Variants in CCDC169 observed in about 807,000 individuals in gnomAD.
The protein encoded by CCDC169 is coiled-coil domain containing 169.
A neutral mutation model predicts 36.0 loss-of-function variants in CCDC169; 30 were observed. The observed-to-expected ratio is 0.83, with a 90% confidence interval of 0.62 to 1.13. The LOEUF is 1.13. Among genes scored for constraint, CCDC169 ranks in the 50% most tolerant of loss-of-function variants. CCDC169 has a pLI of 0.00. For synonymous variants in CCDC169, 85 were observed against 81.5 expected (o/e 1.04, Z -0.23); for missense variants, 245 against 245.9 (o/e 1.00, Z 0.03).
intron 4 of CCDC169, chr13:36,282,774 C>A (rs934587677): frequency 6.4e-5 from 10 of 155,114 alleles, no homozygotes; most frequent in African/African-American, 1.9e-4. Context: ...GTTCCAGAGT[C>A]TCAGGTAGTA....
At chr13:36,296,192 AG>A (rs1182112785) in intron 1 of CCDC169, among the ~76,000 whole-genome samples, 1 of 152,192 alleles carries the variant, frequency 6.6e-6, no homozygotes, top group Non-Finnish European at 1.5e-5. Context: ...CCCGGGTTCA[AG>A]CAATTCTCCT....
At chr13:36,279,913 TATAAAG>T (rs747088720) in intron 4 of CCDC169, 6 of 152,136 alleles carry the variant, frequency 3.9e-5, no homozygotes, top group African/African-American at 9.7e-5. Flanking sequence ...GAAAGACACA[TATAAAG>T]ATATTCACTG....
At chr13:36,288,110 G>A (rs750046830) in intron 2 of CCDC169, among the ~76,000 whole-genome samples, 10 of 151,824 alleles carry the variant, frequency 6.6e-5, no homozygotes, top group Admixed American at 1.3e-4. Flanking sequence ...CCTGATTCAC[G>A]CCATTCTTCT....
At chr13:36,285,699 G>A (rs1028250000) in intron 2 of CCDC169, among the ~76,000 whole-genome samples, 8 of 152,042 alleles carry the variant, frequency 5.3e-5, no homozygotes, top group Admixed American at 3.9e-4. Context: ...ATGGAATCCG[G>A]CTGCTTGCCA....
chr13:36,240,442 C>A (rs1469230797), intron 7 of CCDC169: 1 of 263,206 alleles, frequency 3.8e-6, no homozygotes, highest in Non-Finnish European at 7.1e-6. Context: ...TTTGCAACTT[C>A]CTAATATCAA....
chr13:36,233,557 G>A (rs1414488391), intron 7 of CCDC169, among the ~76,000 whole-genome samples: 1 of 151,982 alleles, frequency 6.6e-6, no homozygotes, highest in African/African-American at 2.4e-5. Flanking sequence ...ATCTATAGAG[G>A]AAATTATGAG....
downstream of CCDC169, among the ~76,000 whole-genome samples, chr13:36,228,602 C>A (rs926783207): frequency 6.6e-6 from 1 of 152,024 alleles, no homozygotes; most frequent in African/African-American, 2.4e-5. Flanking sequence ...CTCTGTTGCC[C>A]ACGCTGGAGT....
intron 2 of CCDC169, among the ~76,000 whole-genome samples, chr13:36,285,614 G>GATAGATAGATACATAGATAC (rs568184993): frequency 1.3e-3 from 178 of 138,170 alleles, no homozygotes; most frequent in South Asian, 1.6e-3. Context: ...TAGATAGATA[G>GATAGATAGATACATAGATAC]ATAGATACAT....
chr13:36,275,420 C>A (rs907461452), intron 4 of CCDC169, among the ~76,000 whole-genome samples: 2 of 152,096 alleles, frequency 1.3e-5, no homozygotes, highest in Non-Finnish European at 2.9e-5. Flanking sequence ...TCTGTTTAAA[C>A]TAACTTTTCT....
At chr13:36,267,132 T>C (rs1297074299) in intron 4 of CCDC169, 2 of 152,246 alleles carry the variant, frequency 1.3e-5, no homozygotes, top group Non-Finnish European at 2.9e-5. Flanking sequence ...TAGGCTGTAA[T>C]GTAGTCTAGG....
At chr13:36,240,880 A>G (rs1390714586) in intron 7 of CCDC169, among the ~76,000 whole-genome samples, 3 of 152,116 alleles carry the variant, frequency 2.0e-5, no homozygotes, top group African/African-American at 7.2e-5. Flanking sequence ...ACTTATACTA[A>G]AAAGACTGTT....
chr13:36,273,821 C>G (rs927131722), intron 4 of CCDC169, among the ~76,000 whole-genome samples: 1 of 152,162 alleles, frequency 6.6e-6, no homozygotes, highest in Admixed American at 6.5e-5. Flanking sequence ...TTGTGGTCTT[C>G]GTGCCTTGTC....
intron 4 of CCDC169, among the ~76,000 whole-genome samples, chr13:36,276,236 G>A: frequency 6.6e-6 from 1 of 152,112 alleles, no homozygotes; most frequent in South Asian, 2.1e-4. Flanking sequence ...TCATATATGT[G>A]AACTTATAAC....
At chr13:36,280,053 C>T (rs1171151502) in intron 4 of CCDC169, 1 of 151,034 alleles carries the variant, frequency 6.6e-6, no homozygotes, top group Non-Finnish European at 1.5e-5. Context: ...TACTATACAA[C>T]TGATAAAATT....
intron 4 of CCDC169, chr13:36,280,346 ATATGGAG>A (rs1206596371): frequency 6.6e-6 from 1 of 152,190 alleles, no homozygotes. Flanking sequence ...AAATACTAGA[ATATGGAG>A]TTGTTTGCCA....
chr13:36,248,605 C>T lies in CCDC169; in HGVS notation c.545+1G>A, dbSNP rs1373756455. The T allele has an allele frequency of 2.6e-6, 4 of 1,548,694 alleles. No individual in the cohort carries two copies. The highest frequency in any genetic ancestry group is 1.2e-5 in the South Asian group (1 of 83,754). On this transcript the variant is annotated splice_donor_variant, in intron 7 of 7. Transcript: ENST00000239859. LOFTEE classifies it high-confidence loss of function. ...GAAAGAAAATATATAGCTAGACTTA[C>T]GTTTTCACTAGATTCTCTTGCATCC...
intron 7 of CCDC169, among the ~76,000 whole-genome samples, chr13:36,244,100 T>C (rs1300902003): frequency 1.3e-5 from 2 of 152,346 alleles, no homozygotes; most frequent in African/African-American, 2.4e-5. Flanking sequence ...CTGCAAGATA[T>C]TAATAAAAAT....
intron 7 of CCDC169, among the ~76,000 whole-genome samples, chr13:36,240,821 CA>C (rs1462181804): frequency 6.6e-6 from 1 of 152,080 alleles, no homozygotes; most frequent in Non-Finnish European, 1.5e-5. Flanking sequence ...GGGCGACAGT[CA>C]ATAAAGTTAC....
At chr13:36,228,843 G>A (rs992801836), downstream of CCDC169, among the ~76,000 whole-genome samples, 1 of 152,164 alleles carries the variant, frequency 6.6e-6, no homozygotes, top group Non-Finnish European at 1.5e-5. Context: ...ACCATGTCCA[G>A]CCAGTAATTG....
Sources: allele counts gnomAD v4.1 joint callset (sites outside exome capture counted in the v4.1 genomes callset), GRCh38; gene constraint gnomAD v4.1.1; transcripts MANE v1.5; gene names NCBI Gene and HGNC (gene_info 2026-07-23, HGNC 2026-07-21).